Variants in PCDHGA2 observed in about 807,000 individuals in gnomAD.
The protein encoded by PCDHGA2 is protocadherin gamma subfamily A, 2, also known as protocadherin gamma-A2.
Under a neutral mutation model 59.2 loss-of-function variants are expected in PCDHGA2, and 40 were observed. The observed-to-expected ratio is 0.68, with a 90% confidence interval of 0.52 to 0.88. The LOEUF (loss-of-function observed/expected upper bound fraction) is 0.88, where lower values mean the gene tolerates loss of function less well. PCDHGA2 is among the 40% of genes least tolerant of loss of function. PCDHGA2 has a pLI of 0.00. For missense variants in PCDHGA2, 1,226 were observed against 1,204.0 expected (o/e 1.02, Z -0.27); for synonymous variants, 560 against 526.0 (o/e 1.06, Z -0.89).
chr5:141,415,606 G>A lies in PCDHGA2; in HGVS notation c.2424+74211G>A. On this transcript the variant is annotated intron_variant, in intron 1 of 3. Transcript: ENST00000394576. ...GTTTCCTATAGAGGATACCCCATTG[G>A]TTCCAGTGAGTTTTATTTTCATTTT... The A allele has an allele frequency of 1.2e-6, 2 of 1,612,910 alleles. 1 individual carries two copies. Among genetic ancestry groups the A allele is most frequent in the East Asian group, 4.5e-5 (2 of 44,866 alleles).
intron 1 of PCDHGA2, chr5:141,421,364 T>C (rs975166167): frequency 3.7e-6 from 6 of 1,613,994 alleles, no homozygotes; most frequent in African/African-American, 1.3e-5. Context: ...GGCTCCTTCG[T>C]GGGCAATATC....
Position 141,399,846 on chromosome 5 carries a change from G to T in PCDHGA2, c.2424+58451G>T, listed in dbSNP as rs377634920. 19 of 1,612,980 alleles carry T rather than the reference G, an allele frequency of 1.2e-5. No homozygotes were observed. The highest frequency in any genetic ancestry group is 5.3e-5 in the African/African-American group (4 of 75,050). On this transcript the variant is annotated intron_variant, in intron 1 of 3. Transcript: ENST00000394576. ...CCGACGGCTCTGCGCTCTTCGATAT[G>T]GTGCCGCGCGCTGCAGAGCCCGGCT...
chr5:141,436,167 G>A (rs933669166), intron 1 of PCDHGA2, among the ~76,000 whole-genome samples: 2 of 152,088 alleles, frequency 1.3e-5, no homozygotes, highest in Non-Finnish European at 2.9e-5. Flanking sequence ...CATATGGACA[G>A]TTCTCATATA....
chr5:141,481,509 T>C (rs2154578624), intron 1 of PCDHGA2, among the ~76,000 whole-genome samples: 2 of 152,326 alleles, frequency 1.3e-5, no homozygotes, highest in Middle Eastern at 3.4e-3. Context: ...GTATGTGAAT[T>C]ATGTCTCAGT....
intron 1 of PCDHGA2, chr5:141,478,346 G>A: frequency 6.2e-7 from 1 of 1,613,794 alleles, no homozygotes; most frequent in African/African-American, 1.3e-5. Context: ...CTCCTTGCAC[G>A]CGGACGCCGT....
rs1016254258 is a variant in PCDHGA2 at position 141,489,870 on chromosome 5, G to C, written c.2425-4937G>C. ...GTGAAGCCCAGGCAAGACATCAGCT[G>C]GTGCTTACTGCTGTGGATGGGGGGA... On this transcript the variant is annotated intron_variant, in intron 1 of 3. Transcript: ENST00000394576. The surrounding 1 kb of genome is among the most constrained non-coding windows in gnomAD (Gnocchi z 4.5). The C allele has an allele frequency of 2.0e-5, 32 of 1,614,102 alleles. No homozygotes were observed. Among genetic ancestry groups the C allele is most frequent in the African/African-American group, 4.0e-5 (3 of 74,944 alleles).
intron 1 of PCDHGA2, chr5:141,394,137 G>A (rs1406338034): frequency 6.2e-6 from 10 of 1,613,902 alleles, no homozygotes; most frequent in East Asian, 2.2e-5. Context: ...CGCTCTGCAC[G>A]TGGCAGACAT....
chr5:141,476,029 A>G lies in PCDHGA2; in HGVS notation c.2425-18778A>G, dbSNP rs975943706. The G allele has an allele frequency of 2.3e-5, 34 of 1,455,312 alleles. No homozygotes were observed. The highest frequency in any genetic ancestry group is 1.1e-4 in the African/African-American group (8 of 70,728). 90.1% of individuals were successfully genotyped at this position (1,455,312 alleles called of 1,614,324 possible). A position where few individuals can be genotyped will look rare whatever the true frequency, so the allele number is the denominator to read the frequency against. On this transcript the variant is annotated intron_variant, in intron 1 of 3. Transcript: ENST00000394576. The surrounding 1 kb of genome is among the most constrained non-coding windows in gnomAD (Gnocchi z 7.6). The stretch of plus-strand genomic sequence containing the variant: ...GAAAGCCATGTCGGACTCGGCGCCC[A>G]GCGCCCAAGCGCTAACCCGCTGAAA...
chr5:141,390,061 A>G, intron 1 of PCDHGA2: 1 of 1,614,016 alleles, frequency 6.2e-7, no homozygotes, highest in East Asian at 2.2e-5. Context: ...AGCTGCTTCC[A>G]GCCTGGTCTC....
chr5:141,415,163 C>G (rs572456395), intron 1 of PCDHGA2: 11 of 1,613,856 alleles, frequency 6.8e-6, no homozygotes, highest in African/African-American at 1.3e-5. Context: ...GCCACTGTCA[C>G]GCTCACCGTG....
intron 1 of PCDHGA2, among the ~76,000 whole-genome samples, chr5:141,484,207 A>G (rs898823095): frequency 2.6e-5 from 4 of 152,218 alleles, no homozygotes; most frequent in Non-Finnish European, 5.9e-5. Context: ...ATCTATGAAC[A>G]TTAGCATTCT....
intron 1 of PCDHGA2, chr5:141,394,518 A>C (rs1256235757): frequency 6.2e-7 from 1 of 1,614,094 alleles, no homozygotes; most frequent in Non-Finnish European, 8.5e-7. Flanking sequence ...CGCCCTCCCC[A>C]CAGACGGTTC....
rs752155536 is a variant in PCDHGA2, at chr5:141,477,181, C to T, written c.2425-17626C>T. The T allele has an allele frequency of 2.5e-6, 4 of 1,614,182 alleles. No individual in the cohort carries two copies. In the Admixed American group the frequency reaches 6.7e-5, roughly 27 times the overall value. ...ACAACGCCCCGGAGATCACAGTCACCTCCGTGTACAGCCCAGTACCCGAGG... is the reference window on the plus strand; with the variant it reads ...ACAACGCCCCGGAGATCACAGTCACTTCCGTGTACAGCCCAGTACCCGAGG... On this transcript the variant is annotated intron_variant, in intron 1 of 3. Transcript: ENST00000394576. This position sits in a 1 kb window ranked among gnomAD's most constrained non-coding sequence, Gnocchi z 4.9.
At chr5:141,398,747 AC>A in intron 1 of PCDHGA2, 1 of 1,613,496 alleles carries the variant, frequency 6.2e-7, no homozygotes, top group Middle Eastern at 1.6e-4. Context: ...CAACAGAGTT[AC>A]CATCGTTTAG....
intron 1 of PCDHGA2, chr5:141,417,801 G>A (rs368563336): frequency 1.3e-6 from 2 of 1,490,494 alleles, no homozygotes; most frequent in South Asian, 1.4e-5. Context: ...CTTTTAGCGC[G>A]GTAGAGTGCA....
intron 1 of PCDHGA2, chr5:141,371,956 A>G (rs1410520873): frequency 6.2e-7 from 1 of 1,613,272 alleles, no homozygotes; most frequent in South Asian, 1.1e-5. Context: ...CGAGCCTTCG[A>G]CCACGAGCAG....
chr5:141,358,889 AT>A (rs1561517339), intron 1 of PCDHGA2, among the ~76,000 whole-genome samples: 2 of 152,198 alleles, frequency 1.3e-5, no homozygotes, highest in African/African-American at 4.8e-5. Context: ...CTCTGGGATT[AT>A]TTTATATGAG....
intron 1 of PCDHGA2, chr5:141,414,822 C>A: frequency 6.2e-7 from 1 of 1,614,240 alleles, no homozygotes; most frequent in Non-Finnish European, 8.5e-7. Context: ...TCAGCAGCAA[C>A]GTGTCGTTGA....
intron 1 of PCDHGA2, chr5:141,392,890 T>G (rs2092623202): frequency 3.1e-6 from 5 of 1,613,418 alleles, no homozygotes; most frequent in Admixed American, 1.7e-5. Context: ...CTGTGGGAAA[T>G]CGGGAGGGGA....
Sources: allele counts gnomAD v4.1 joint callset (sites outside exome capture counted in the v4.1 genomes callset), GRCh38; gene constraint gnomAD v4.1.1; non-coding constraint Gnocchi (gnomAD v3.1); transcripts MANE v1.5; gene names NCBI Gene and HGNC (gene_info 2026-07-23, HGNC 2026-07-21).